The following TRPC7 variants were observed in gnomAD, a reference collection of about 807,000 sequenced individuals.
TRPC7 encodes transient receptor potential cation channel subfamily C member 7.
A neutral mutation model predicts 90.1 loss-of-function variants in TRPC7; 42 were observed. That is an observed-to-expected ratio of 0.47 (90% CI 0.36 to 0.60). The LOEUF is 0.60. TRPC7 is among the 20% of genes least tolerant of loss of function. TRPC7 has a pLI of 0.00. For synonymous variants in TRPC7, 451 were observed against 436.3 expected (o/e 1.03, Z -0.42); for missense variants, 955 against 1,112.3 (o/e 0.86, Z 2.01).
intron 2 of TRPC7, among the ~76,000 whole-genome samples, chr5:136,334,247 A>G (rs1317927231): frequency 6.6e-6 from 1 of 152,180 alleles, no homozygotes; most frequent in Non-Finnish European, 1.5e-5. Context: ...AATGTGCATG[A>G]GACTCATTTA....
At chr5:136,228,087 C>T (rs1037625855) in intron 8 of TRPC7, among the ~76,000 whole-genome samples, 6 of 152,166 alleles carry the variant, frequency 3.9e-5, no homozygotes, top group African/African-American at 1.4e-4. Flanking sequence ...CCAGCAAGGG[C>T]CCAGGAGAGG....
At chr5:136,303,540 G>C (rs1484895371) in intron 3 of TRPC7, among the ~76,000 whole-genome samples, 1 of 152,098 alleles carries the variant, frequency 6.6e-6, no homozygotes, top group Non-Finnish European at 1.5e-5. Context: ...CTGAACTGCA[G>C]TGGCCAGGCA....
At chr5:136,295,438 C>T (rs1216687582) in intron 3 of TRPC7, among the ~76,000 whole-genome samples, 1 of 152,146 alleles carries the variant, frequency 6.6e-6, no homozygotes, top group Non-Finnish European at 1.5e-5. Flanking sequence ...TTGTGCTCTG[C>T]CAGTTCATTG....
At chr5:136,348,737 T>C (rs892187832) in intron 2 of TRPC7, among the ~76,000 whole-genome samples, 1 of 152,224 alleles carries the variant, frequency 6.6e-6, no homozygotes, top group African/African-American at 2.4e-5. Context: ...TGTGAGTCTA[T>C]AGATCTTGTC....
chr5:136,213,521 C>T lies in TRPC7; in HGVS notation c.2503G>A (p.Ala835Thr), dbSNP rs770012565. 6.2e-7 allele frequency: 1 copy of T among 1,614,048 alleles called. No homozygotes were observed. Among genetic ancestry groups the T allele is most frequent in the South Asian group, 1.1e-5 (1 of 91,076 alleles). The change falls in exon 12 of 12, where the codon GCA becomes ACA. Residue 835 changes from alanine (A) to threonine (T), a missense_variant. Coordinates refer to ENST00000513104, the MANE Select transcript of TRPC7 (RefSeq NM_020389.3). ...TCGCTGAGTTGTTGAATCAGGTCTG[C>T]CAGCTCACCAGTAGCTTGAGATTTT... is the stretch of plus-strand genomic sequence containing the variant. ...EEKSQATGEL[A>T]DLIQQLSEKF...
rs532910382 is a variant in TRPC7 at position 136,293,851 on chromosome 5, G to T, written c.964-19014C>A. 1.9e-3 allele frequency among the ~76,000 whole-genome samples: 294 copies of T among 152,282 alleles called. 1 individual carries two copies. Among genetic ancestry groups the T allele is most frequent in the African/African-American group, 6.4e-3 (267 of 41,546 alleles). ...TTGCCAGGTCAATCCTAAGCCAAAA[G>T]AACAAAGCTGGAGGCATCACGCTAC... On this transcript the variant is annotated intron_variant, in intron 3 of 11. Transcript: ENST00000513104.
At chr5:136,302,153 A>G (rs34101247) in intron 3 of TRPC7, among the ~76,000 whole-genome samples, 18,403 of 152,232 alleles carry the variant, frequency 0.12, 1,165 homozygotes, top group African/African-American at 0.14. Context: ...AAACTCCTGC[A>G]CCAGTCACGG....
intron 4 of TRPC7, among the ~76,000 whole-genome samples, chr5:136,273,732 G>A (rs971855457): frequency 1.3e-5 from 2 of 152,194 alleles, no homozygotes; most frequent in East Asian, 3.8e-4. Context: ...TTCTCCTACT[G>A]AATGTTGATT....
rs767313749 is a variant in TRPC7, at chr5:136,213,602, C to T, written c.2422G>A (p.Glu808Lys). 7 of 1,613,828 alleles carry T rather than the reference C, an allele frequency of 4.3e-6. No individual in the cohort carries two copies. Among genetic ancestry groups the T allele is most frequent in the East Asian group, 2.2e-5 (1 of 44,878 alleles). ...ATATCTTGCTTGATTTCCTTCAGCT[C>T]GCCTGCAAGGACAGAGGAGATTTTG... ...DRENDEVNEGELKEIKQDISS... is the reference protein window; with the variant it reads ...DRENDEVNEGKLKEIKQDISS... The change falls in exon 12 of 12, where the codon GAG becomes AAG. Residue 808 changes from glutamate (E) to lysine (K), a missense_variant and splice_region_variant. Coordinates refer to ENST00000513104, the MANE Select transcript of TRPC7 (RefSeq NM_020389.3).
At position 136,365,408 on chromosome 5, in the gene TRPC7, A is replaced by G. The variant is rs1044173996; in HGVS notation, c.-154T>C. 2.6e-6 allele frequency: 2 copies of G among 757,142 alleles called. No individual in the cohort carries two copies. The highest frequency in any genetic ancestry group is 3.5e-5 in the African/African-American group (2 of 57,412). The allele number at this position is 757,142 out of a possible 1,614,324, so 46.9% of individuals were successfully genotyped here. A position where few individuals can be genotyped will look rare whatever the true frequency, so the allele number is the denominator to read the frequency against. On this transcript the variant is annotated 5_prime_UTR_variant, in exon 1 of 12. Coordinates refer to ENST00000513104, the MANE Select transcript of TRPC7 (RefSeq NM_020389.3). ...TGGTCAAGTGAGTTAAGTTGCAACG[A>G]TGTGAAAGCGCGCTCCTCTGTTCTT...
intron 2 of TRPC7, among the ~76,000 whole-genome samples, chr5:136,352,569 T>G (rs914291870): frequency 1.3e-5 from 2 of 152,030 alleles, no homozygotes; most frequent in Non-Finnish European, 2.9e-5. Flanking sequence ...GTAGACAAAT[T>G]TTTTATTTTT....
intron 9 of TRPC7, 125 bp downstream of exon 9, chr5:136,225,908 GC>G: frequency 1.3e-6 from 1 of 743,216 alleles, no homozygotes; most frequent in South Asian, 1.8e-5. Context: ...CAGAGTACCG[GC>G]CCTCCCAGCT....
chr5:136,246,378 C>T (rs1334700280), intron 7 of TRPC7, among the ~76,000 whole-genome samples: 1 of 152,176 alleles, frequency 6.6e-6, no homozygotes, highest in East Asian at 1.9e-4. Context: ...CCCAGGGCTT[C>T]CCTGGAAGTG....
At chr5:136,217,299 CT>C (rs1755301539) in intron 10 of TRPC7, among the ~76,000 whole-genome samples, 1 of 152,242 alleles carries the variant, frequency 6.6e-6, no homozygotes, top group Non-Finnish European at 1.5e-5. Context: ...GCTACATAGG[CT>C]GAGGAAAAGC....
At chr5:136,271,094 G>T (rs773207448) in intron 4 of TRPC7, among the ~76,000 whole-genome samples, 1 of 152,112 alleles carries the variant, frequency 6.6e-6, no homozygotes, top group Non-Finnish European at 1.5e-5. Flanking sequence ...TTTCAAAGCT[G>T]CCCACTCACT....
Position 136,251,755 on chromosome 5 carries a change from C to T in TRPC7, c.1473G>A (p.Met491Ile), listed in dbSNP as rs182937363. The T allele has an allele frequency of 6.2e-6, 10 of 1,613,946 alleles. No individual in the cohort carries two copies. In the Admixed American group the frequency reaches 1.3e-4, roughly 22 times the overall value. Residue 491 changes from methionine (M) to isoleucine (I), a missense_variant, in exon 6 of 12, where the codon ATG (methionine) becomes ATA (isoleucine). Physicochemically the swap from Met to Ile is conservative, Grantham distance 10. Transcript: ENST00000513104. ...GTGCCTCCGTGGCCTTCAGGAAGGCCATGAAGCGTGCTGTGAAGGAGGCCA... is the reference window on the plus strand; with the variant it reads ...GTGCCTCCGTGGCCTTCAGGAAGGCTATGAAGCGTGCTGTGAAGGAGGCCA... ...IFVASFTARFMAFLKATEAQL... is the reference protein window; with the variant it reads ...IFVASFTARFIAFLKATEAQL...
intron 3 of TRPC7, among the ~76,000 whole-genome samples, chr5:136,275,438 A>G (rs1757335704): frequency 6.6e-6 from 1 of 151,980 alleles, no homozygotes; most frequent in African/African-American, 2.4e-5. Context: ...AAATGCTTAC[A>G]GTGTTTCCAG....
Position 136,249,734 on chromosome 5 carries a change from G to A in TRPC7, c.1579+1915C>T, listed in dbSNP as rs150383503. On this transcript the variant is annotated intron_variant, in intron 6 of 11. Coordinates refer to ENST00000513104, the MANE Select transcript of TRPC7 (RefSeq NM_020389.3). ...AGAATGAACAGCACTGTGATGATTT[G>A]GACAAAGGGGTTTTCTCCTTAGAGC... 7.4e-3 allele frequency among the ~76,000 whole-genome samples: 1,127 copies of A among 152,276 alleles called. 15 individuals are homozygous for A. The highest frequency in any genetic ancestry group is 0.025 in the African/African-American group (1,044 of 41,550).
At chr5:136,257,794 A>G (rs928857687) in intron 5 of TRPC7, among the ~76,000 whole-genome samples, 37 of 152,212 alleles carry the variant, frequency 2.4e-4, no homozygotes, top group Admixed American at 1.3e-4. Context: ...GATTTTAAAA[A>G]TAAATTTTTT....
Sources: allele counts gnomAD v4.1 joint callset (sites outside exome capture counted in the v4.1 genomes callset), GRCh38; gene constraint gnomAD v4.1.1; transcripts MANE v1.5; gene names NCBI Gene and HGNC (gene_info 2026-07-23, HGNC 2026-07-21).